Variants in GOLPH3L observed in about 807,000 individuals in gnomAD.
The protein encoded by GOLPH3L is Golgi phosphoprotein 3-like.
In GOLPH3L, 22 loss-of-function variants were observed where a neutral mutation model predicts 30.3. The observed-to-expected ratio is 0.73, with a 90% CI of 0.52 to 1.04. The LOEUF is 1.04. GOLPH3L is among the 50% of genes least tolerant of loss of function. GOLPH3L has a pLI of 0.00. For missense variants in GOLPH3L, 303 were observed against 345.8 expected (o/e 0.88, Z 0.98); for synonymous variants, 120 against 128.2 (o/e 0.94, Z 0.43).
intron 4 of GOLPH3L, among the ~76,000 whole-genome samples, chr1:150,657,246 G>A (rs1052586028): frequency 5.9e-5 from 9 of 152,158 alleles, no homozygotes; most frequent in African/African-American, 1.7e-4. Context: ...ACCTCTTCCC[G>A]GACATTTAAC....
chr1:150,675,076 G>A (rs2101803489), intron 2 of GOLPH3L, among the ~76,000 whole-genome samples: 1 of 152,062 alleles, frequency 6.6e-6, no homozygotes, highest in Non-Finnish European at 1.5e-5. Context: ...AATAGGGTCT[G>A]GCTATGTTGC....
intron 2 of GOLPH3L, among the ~76,000 whole-genome samples, chr1:150,689,821 A>G (rs750121657): frequency 1.9e-4 from 29 of 151,880 alleles, no homozygotes; most frequent in Non-Finnish European, 2.8e-4. Context: ...TTCCTTTAGT[A>G]GAGATGGGGT....
chr1:150,652,949 TACA>T (rs1298997099), intron 4 of GOLPH3L, among the ~76,000 whole-genome samples: 3 of 151,916 alleles, frequency 2.0e-5, no homozygotes, highest in Non-Finnish European at 4.4e-5. Flanking sequence ...CTTTAATAAT[TACA>T]ACAATGAATT....
intron 1 of GOLPH3L, among the ~76,000 whole-genome samples, chr1:150,695,368 C>A (rs150476555): frequency 0.041 from 6,270 of 152,212 alleles, 427 homozygotes; most frequent in African/African-American, 0.14. Context: ...AACTCCTGAC[C>A]TCAAGTGATC....
chr1:150,689,931 G>A (rs763751735), intron 2 of GOLPH3L, among the ~76,000 whole-genome samples: 5 of 151,738 alleles, frequency 3.3e-5, no homozygotes, highest in Non-Finnish European at 7.4e-5. Flanking sequence ...GAGCCACTGC[G>A]TCTGGCCAGA....
At chr1:150,682,288 T>G (rs962028506) in intron 2 of GOLPH3L, among the ~76,000 whole-genome samples, 1 of 152,020 alleles carries the variant, frequency 6.6e-6, no homozygotes, top group Non-Finnish European at 1.5e-5. Flanking sequence ...CCATGTTATC[T>G]CACACCCCAA....
intron 2 of GOLPH3L, among the ~76,000 whole-genome samples, chr1:150,682,430 C>A (rs1650976496): frequency 6.6e-6 from 1 of 151,714 alleles, no homozygotes; most frequent in Non-Finnish European, 1.5e-5. Flanking sequence ...GAGTTTGAGA[C>A]CAGCCTGGGC....
At chr1:150,677,998 A>T (rs888578851) in intron 2 of GOLPH3L, among the ~76,000 whole-genome samples, 21 of 151,762 alleles carry the variant, frequency 1.4e-4, no homozygotes, top group East Asian at 5.8e-4. Context: ...GGAAAAAAAA[A>T]TTTTTTTAAA....
intron 2 of GOLPH3L, among the ~76,000 whole-genome samples, chr1:150,676,266 C>A (rs1370712648): frequency 1.3e-5 from 2 of 151,986 alleles, no homozygotes; most frequent in Non-Finnish European, 1.5e-5. Flanking sequence ...AGCCACCATG[C>A]CCAGCCAACA....
intron 4 of GOLPH3L, among the ~76,000 whole-genome samples, chr1:150,650,523 C>T (rs1239450168): frequency 1.3e-5 from 2 of 152,240 alleles, no homozygotes; most frequent in South Asian, 2.1e-4. Context: ...AGGAGGTGAG[C>T]CATGGGTGAG....
intron 4 of GOLPH3L, among the ~76,000 whole-genome samples, chr1:150,650,941 G>A (rs1426597912): frequency 6.6e-6 from 1 of 152,158 alleles, no homozygotes; most frequent in African/African-American, 2.4e-5. Context: ...CTATAAAGCA[G>A]CTTTTATAAA....
rs138417964 is a variant in GOLPH3L at position 150,682,009 on chromosome 1, T to C, written c.183+12647A>G. On this transcript the variant is annotated intron_variant, in intron 2 of 4. Coordinates refer to ENST00000271732, the MANE Select transcript of GOLPH3L (RefSeq NM_018178.6). ...TGAACTTGGGAGGTGGAGCTTTCAGTGAGCTGCAGGTACCACGGCACTCCA... is the reference window on the plus strand; with the variant it reads ...TGAACTTGGGAGGTGGAGCTTTCAGCGAGCTGCAGGTACCACGGCACTCCA... Among the ~76,000 whole-genome samples, 1,223 of 151,570 alleles carry C rather than the reference T, an allele frequency of 8.1e-3. 9 individuals carry two copies. Among genetic ancestry groups the C allele is most frequent in the Non-Finnish European group, 0.011 (733 of 67,958 alleles).
At chr1:150,656,973 T>C (rs1650253368) in intron 4 of GOLPH3L, among the ~76,000 whole-genome samples, 1 of 152,236 alleles carries the variant, frequency 6.6e-6, no homozygotes. Context: ...TTATTCTGGC[T>C]CTAAAGGTAA....
Position 150,647,495 on chromosome 1 carries a change from GAAAA to G in GOLPH3L, c.*822_*825del. ...GCAAGAGCAAGACCCTGTCTCAAAA[GAAAA>G]AAAAAAAAAAAGTGGCCTGGGGGAA... On this transcript the variant is annotated 3_prime_UTR_variant, in exon 5 of 5. Coordinates refer to ENST00000271732, the MANE Select transcript of GOLPH3L (RefSeq NM_018178.6). 1 of 101,264 alleles carries G rather than the reference GAAAA, an allele frequency of 9.9e-6. No individual in the cohort carries two copies. Among genetic ancestry groups the G allele is most frequent in the Non-Finnish European group, 2.2e-5 (1 of 46,332 alleles). The allele number at this position is 101,264 out of a possible 1,614,324, so 6.3% of individuals were successfully genotyped here. A position where few individuals can be genotyped will look rare whatever the true frequency, so the allele number is the denominator to read the frequency against.
chr1:150,679,133 T>C (rs1650887739), intron 2 of GOLPH3L, among the ~76,000 whole-genome samples: 1 of 152,132 alleles, frequency 6.6e-6, no homozygotes, highest in Non-Finnish European at 1.5e-5. Context: ...TTCCCTTAAA[T>C]CTTTCTTATG....
intron 4 of GOLPH3L, among the ~76,000 whole-genome samples, chr1:150,661,286 C>T (rs1039786329): frequency 3.9e-5 from 6 of 152,052 alleles, no homozygotes; most frequent in Admixed American, 2.0e-4. Context: ...GAATGTTACT[C>T]GTTGATTTAC....
intron 2 of GOLPH3L, among the ~76,000 whole-genome samples, chr1:150,667,520 C>G (rs1018127349): frequency 6.6e-6 from 1 of 151,766 alleles, no homozygotes; most frequent in Admixed American, 6.6e-5. Flanking sequence ...GGGAACACAG[C>G]GAGACCTTGT....
intron 2 of GOLPH3L, among the ~76,000 whole-genome samples, chr1:150,685,998 C>A (rs1481634880): frequency 1.3e-5 from 2 of 151,186 alleles, no homozygotes; most frequent in African/African-American, 4.9e-5. Flanking sequence ...CCTCAGCCTC[C>A]CGAGTAGCTG....
chr1:150,677,656 G>A (rs1650844338), intron 2 of GOLPH3L, among the ~76,000 whole-genome samples: 1 of 149,520 alleles, frequency 6.7e-6, no homozygotes, highest in Non-Finnish European at 1.5e-5. Flanking sequence ...ATTTGAGACA[G>A]GGTCTCACTC....
Sources: gnomAD v4.1 joint callset for allele counts (sites outside exome capture counted in the v4.1 genomes callset) on GRCh38, gnomAD v4.1.1 for gene constraint, MANE v1.5 for transcripts, NCBI Gene and HGNC (gene_info 2026-07-23, HGNC 2026-07-21) for gene names.